The following CPLX2 variants were observed in gnomAD, a reference collection of about 807,000 sequenced individuals.
CPLX2 encodes the protein complexin 2.
In CPLX2, 5 loss-of-function variants were observed where a neutral mutation model predicts 16.3. The ratio of observed to expected loss-of-function variants is 0.31; its 90% confidence interval spans 0.16 to 0.64. CPLX2 has a LOEUF of 0.64. CPLX2 is among the 30% of genes least tolerant of loss of function. CPLX2 has a pLI of 0.79. For missense variants in CPLX2, 144 were observed against 181.4 expected (o/e 0.79, Z 1.18); for synonymous variants, 89 against 73.2 (o/e 1.22, Z -1.10).
intron 2 of CPLX2, among the ~76,000 whole-genome samples, chr5:175,816,684 C>A (rs1023779998): frequency 4.6e-5 from 7 of 152,192 alleles, no homozygotes; most frequent in African/African-American, 1.7e-4. Context: ...GCAGAGGCAG[C>A]CAGGAACCAG....
intron 1 of CPLX2, among the ~76,000 whole-genome samples, chr5:175,874,352 T>G (rs552156926): frequency 6.6e-6 from 1 of 152,258 alleles, no homozygotes; most frequent in South Asian, 2.1e-4. Flanking sequence ...ATCCCAATCT[T>G]AACTCACCAA....
At chr5:175,877,344 C>T (rs1037316486) in intron 1 of CPLX2, among the ~76,000 whole-genome samples, 10 of 152,014 alleles carry the variant, frequency 6.6e-5, no homozygotes, top group African/African-American at 2.4e-4. Context: ...CTCAGTCTAC[C>T]GATATGACTT....
intron 2 of CPLX2, among the ~76,000 whole-genome samples, chr5:175,860,693 G>A (rs536746063): frequency 2.0e-5 from 3 of 151,792 alleles, no homozygotes; most frequent in African/African-American, 7.2e-5. Flanking sequence ...ACTCTCATTG[G>A]CTTAGCTTGT....
At position 175,872,089 on chromosome 5, in the gene CPLX2, G is replaced by T. The variant is rs963375458; in HGVS notation, c.-89+384G>T. The T allele has an allele frequency of 6.6e-6, 1 of 152,224 alleles. No homozygotes were observed. Among genetic ancestry groups the T allele is most frequent in the African/African-American group, 2.4e-5 (1 of 41,448 alleles). The allele number at this position is 152,224 out of a possible 1,614,324, so 9.4% of individuals were successfully genotyped here. ...AGAACAACTTTGAGCTCGCGGGAGT[G>T]GGGGACGTCGATCTAAGCTACTTCT... On this transcript the variant is annotated intron_variant, in intron 1 of 3. Coordinates refer to ENST00000393745, the MANE Select transcript of CPLX2 (RefSeq NM_001008220.2). This position sits in a 1 kb window ranked among gnomAD's most constrained non-coding sequence, Gnocchi z 5.0.
chr5:175,861,308 G>A (rs1325292216), intron 2 of CPLX2, among the ~76,000 whole-genome samples: 2 of 152,182 alleles, frequency 1.3e-5, no homozygotes, highest in African/African-American at 4.8e-5. Context: ...CCAGCAGCAG[G>A]AGACAACCAA....
intron 1 of CPLX2, among the ~76,000 whole-genome samples, chr5:175,801,355 T>C (rs1758094119): frequency 6.6e-6 from 1 of 152,052 alleles, no homozygotes; most frequent in Non-Finnish European, 1.5e-5. Context: ...AGGGCTGCCA[T>C]TGTGGGAACA....
At chr5:175,821,763 TA>T (rs1268160537) in intron 2 of CPLX2, among the ~76,000 whole-genome samples, 5 of 152,256 alleles carry the variant, frequency 3.3e-5, no homozygotes, top group Non-Finnish European at 7.3e-5. Flanking sequence ...TATGTATTTT[TA>T]AATGCACTGA....
intron 2 of CPLX2, among the ~76,000 whole-genome samples, chr5:175,848,919 G>T (rs571144509): frequency 6.6e-6 from 1 of 152,338 alleles, no homozygotes; most frequent in East Asian, 1.9e-4. Flanking sequence ...GGCTGAAGCA[G>T]AGTGAGCCGG....
rs1758051804 is a variant in CPLX2, at chr5:175,799,551, TATATATATATA to T, written c.-169+2768_-169+2778del. On this transcript the variant is annotated intron_variant, in intron 1 of 4. Coordinates refer to the CPLX2 transcript ENST00000359546. ...CCTTTGCAAATTTCATATATATATA[TATATATATATA>T]TATATATATATATAGTAATCACAGC... is the stretch of plus-strand genomic sequence containing the variant. 5.8e-5 allele frequency among the ~76,000 whole-genome samples: 8 copies of T among 137,114 alleles called. 1 individual carries two copies. The highest frequency in any genetic ancestry group is 1.4e-4 in the African/African-American group (5 of 35,734). The allele number at this position is 137,114 out of a possible 152,430, so 90.0% of individuals were successfully genotyped here. A position where few individuals can be genotyped will look rare whatever the true frequency, so the allele number is the denominator to read the frequency against.
At chr5:175,874,177 A>G (rs1299447936) in intron 1 of CPLX2, among the ~76,000 whole-genome samples, 3 of 152,198 alleles carry the variant, frequency 2.0e-5, no homozygotes, top group South Asian at 4.1e-4. Context: ...TGGAGGCTGG[A>G]TGAGAGCTGA....
chr5:175,827,737 G>C (rs886799054), intron 2 of CPLX2, among the ~76,000 whole-genome samples: 1 of 152,192 alleles, frequency 6.6e-6, no homozygotes, highest in Admixed American at 6.5e-5. Flanking sequence ...TCCAGCCTGA[G>C]TGACAGTGAG....
At chr5:175,835,407 C>A (rs1459418863) in intron 2 of CPLX2, among the ~76,000 whole-genome samples, 3 of 152,170 alleles carry the variant, frequency 2.0e-5, no homozygotes, top group Non-Finnish European at 4.4e-5. Context: ...ACCAATTCTA[C>A]ACAAAATATT....
intron 2 of CPLX2, among the ~76,000 whole-genome samples, chr5:175,853,337 G>A (rs916174022): frequency 1.3e-5 from 2 of 152,174 alleles, no homozygotes; most frequent in African/African-American, 2.4e-5. Flanking sequence ...GCCTCACACG[G>A]TGCCCCTGGA....
At chr5:175,826,101 G>C (rs541424424) in intron 2 of CPLX2, among the ~76,000 whole-genome samples, 1 of 152,006 alleles carries the variant, frequency 6.6e-6, no homozygotes, top group African/African-American at 2.4e-5. Flanking sequence ...ACTGACTAGC[G>C]GCACCACGAG....
intron 2 of CPLX2, among the ~76,000 whole-genome samples, chr5:175,836,207 G>T (rs1319473579): frequency 6.6e-6 from 1 of 152,110 alleles, no homozygotes; most frequent in African/African-American, 2.4e-5. Flanking sequence ...AAAATTAGCT[G>T]GGCGTGGTGG....
chr5:175,804,488 G>A (rs1054008005), intron 1 of CPLX2, among the ~76,000 whole-genome samples: 1 of 152,246 alleles, frequency 6.6e-6, no homozygotes, highest in South Asian at 2.1e-4. Flanking sequence ...AAGGTGCATT[G>A]CCTCTCCAGC....
At chr5:175,869,429 A>G (rs555634864), upstream of CPLX2, among the ~76,000 whole-genome samples, 14 of 152,338 alleles carry the variant, frequency 9.2e-5, no homozygotes, top group African/African-American at 3.1e-4. Flanking sequence ...CTATGGCTGG[A>G]CAGCTCCTAT....
rs535707477 is a variant in CPLX2, at chr5:175,806,039, C to G, written c.-168-2950C>G. Among the ~76,000 whole-genome samples, 4 of 152,312 alleles carry G rather than the reference C, an allele frequency of 2.6e-5. No homozygotes were observed. In the South Asian group the frequency reaches 8.3e-4, roughly 32 times the overall value. ...AGCCTGTTAAGAGCACCCCAGATTC[C>G]CCACCTTCATGCTCCCTTTCTCATC... On this transcript the variant is annotated intron_variant, in intron 1 of 4. Transcript: ENST00000359546.
At chr5:175,803,549 G>A (rs2113624562) in intron 1 of CPLX2, among the ~76,000 whole-genome samples, 1 of 152,286 alleles carries the variant, frequency 6.6e-6, no homozygotes, top group East Asian at 1.9e-4. Flanking sequence ...AGAGGTCCTA[G>A]GGCAAAAACA....
Sources: allele counts gnomAD v4.1 joint callset (sites outside exome capture counted in the v4.1 genomes callset), GRCh38; gene constraint gnomAD v4.1.1; non-coding constraint Gnocchi (gnomAD v3.1); transcripts MANE v1.5; gene names NCBI Gene and HGNC (gene_info 2026-07-23, HGNC 2026-07-21).